The following GALNTL6 variants were observed in gnomAD, a reference collection of about 807,000 sequenced individuals.
GALNTL6 encodes the protein polypeptide N-acetylgalactosaminyltransferase-like 6.
Under a neutral mutation model 73.7 loss-of-function variants are expected in GALNTL6, and 46 were observed. The ratio of observed to expected loss-of-function variants is 0.62; its 90% CI spans 0.49 to 0.80. The LOEUF (loss-of-function observed/expected upper bound fraction) is 0.80. Ranked by LOEUF, GALNTL6 falls within the 30% of genes least tolerant of loss-of-function variation. The pLI is 0.00. For missense variants in GALNTL6, 604 were observed against 755.0 expected, an observed-to-expected ratio of 0.80 and a Z score of 2.34; for synonymous variants, 259 against 263.7, an observed-to-expected ratio of 0.98 and a Z score of 0.17.
intron 2 of GALNTL6, among the ~76,000 whole-genome samples, chr4:172,172,130 G>A (rs550798525): frequency 4.0e-4 from 61 of 152,298 alleles, no homozygotes; most frequent in African/African-American, 1.4e-3. Context: ...TTAAGGTAGG[G>A]TGAGGTCATG....
At chr4:172,408,537 A>G (rs936654890) in intron 5 of GALNTL6, among the ~76,000 whole-genome samples, 7 of 151,978 alleles carry the variant, frequency 4.6e-5, no homozygotes, top group Admixed American at 1.3e-4. Flanking sequence ...AAAATAAATT[A>G]TATATTTGAA....
intron 2 of GALNTL6, among the ~76,000 whole-genome samples, chr4:171,924,366 CA>C (rs1266315101): frequency 6.6e-6 from 1 of 152,010 alleles, no homozygotes; most frequent in African/African-American, 2.4e-5. Flanking sequence ...GACATTTGTG[CA>C]AAAACGTTAT....
At position 172,852,849 on chromosome 4, in the gene GALNTL6, C is replaced by A. The variant is rs114198047; in HGVS notation, c.924-29941C>A. Among the ~76,000 whole-genome samples the A allele has an allele frequency of 8.0e-3, 1,212 of 152,138 alleles. 13 individuals are homozygous for A. The highest frequency in any genetic ancestry group is 0.027 in the African/African-American group (1,136 of 41,488). On this transcript the variant is annotated intron_variant, in intron 7 of 12. Coordinates refer to ENST00000506823, the MANE Select transcript of GALNTL6 (RefSeq NM_001034845.3). ...CAAAAATGATATAAGTCCAGTTGCACCTATCCCATGGGTGTGTTATGATAA... is the reference window on the plus strand; with the variant it reads ...CAAAAATGATATAAGTCCAGTTGCAACTATCCCATGGGTGTGTTATGATAA...
intron 5 of GALNTL6, among the ~76,000 whole-genome samples, chr4:172,783,442 A>G (rs1239785859): frequency 4.1e-5 from 6 of 147,648 alleles, no homozygotes; most frequent in Non-Finnish European, 7.5e-5. Context: ...TTATAACACT[A>G]TTTATAATAT....
At chr4:172,689,633 T>G (rs1359006799) in intron 5 of GALNTL6, among the ~76,000 whole-genome samples, 1 of 152,194 alleles carries the variant, frequency 6.6e-6, no homozygotes, top group Admixed American at 6.5e-5. Flanking sequence ...TTCTAAGTTC[T>G]TAATGCTTTT....
At chr4:172,946,624 G>T (rs148308278) in intron 9 of GALNTL6, among the ~76,000 whole-genome samples, 177 of 152,230 alleles carry the variant, frequency 1.2e-3, no homozygotes, top group Middle Eastern at 0.01. Flanking sequence ...ATAGCACAAA[G>T]AAAACAAGAC....
At chr4:172,103,255 C>T (rs1425308092) in intron 2 of GALNTL6, among the ~76,000 whole-genome samples, 2 of 152,070 alleles carry the variant, frequency 1.3e-5, no homozygotes, top group South Asian at 2.1e-4. Context: ...GGTTTTTAAC[C>T]GGAAGCCAGA....
At chr4:172,322,828 C>A (rs1221029702) in intron 4 of GALNTL6, among the ~76,000 whole-genome samples, 1 of 151,548 alleles carries the variant, frequency 6.6e-6, no homozygotes, top group African/African-American at 2.4e-5. Context: ...AGTGCCAAAT[C>A]ATATCAATGG....
chr4:172,893,332 G>C, intron 8 of GALNTL6, among the ~76,000 whole-genome samples: 1 of 143,508 alleles, frequency 7.0e-6, no homozygotes, highest in East Asian at 2.0e-4. Flanking sequence ...TCTTCTAAGT[G>C]TTCTGAGAGT....
intron 2 of GALNTL6, among the ~76,000 whole-genome samples, chr4:172,221,752 C>G (rs924077623): frequency 1.8e-4 from 28 of 151,810 alleles, no homozygotes; most frequent in African/African-American, 6.5e-4. Flanking sequence ...GTGATGGAAA[C>G]AAGTAAAAAT....
chr4:171,907,779 A>G (rs1737340813), intron 2 of GALNTL6, among the ~76,000 whole-genome samples: 1 of 151,346 alleles, frequency 6.6e-6, no homozygotes. Context: ...ACAGCATGGT[A>G]CTGTTACCAA....
chr4:172,339,172 A>G (rs1464753931), intron 4 of GALNTL6, among the ~76,000 whole-genome samples: 2 of 151,896 alleles, frequency 1.3e-5, no homozygotes, highest in South Asian at 2.1e-4. Context: ...GTCTGGAGAT[A>G]TGCCTGGGCA....
chr4:172,938,375 A>T (rs1748735429), intron 9 of GALNTL6, among the ~76,000 whole-genome samples: 1 of 152,166 alleles, frequency 6.6e-6, no homozygotes, highest in Non-Finnish European at 1.5e-5. Flanking sequence ...TTCATTGTTG[A>T]CCATGGTGTC....
At chr4:172,335,185 A>G (rs1343197753) in intron 4 of GALNTL6, among the ~76,000 whole-genome samples, 1 of 151,990 alleles carries the variant, frequency 6.6e-6, no homozygotes, top group African/African-American at 2.4e-5. Flanking sequence ...TGACCTTGTG[A>G]TCTACCCACC....
intron 2 of GALNTL6, among the ~76,000 whole-genome samples, chr4:172,080,392 G>C (rs1032306735): frequency 6.6e-6 from 1 of 151,868 alleles, no homozygotes; most frequent in South Asian, 2.1e-4. Context: ...TATATTTCCC[G>C]GGTCCACAAC....
intron 5 of GALNTL6, among the ~76,000 whole-genome samples, chr4:172,406,032 T>C (rs1438167143): frequency 1.3e-5 from 2 of 152,040 alleles, no homozygotes; most frequent in African/African-American, 4.8e-5. Flanking sequence ...TCTAGTCTTA[T>C]TGATCTCTAA....
chr4:172,659,460 C>T (rs752854297), intron 5 of GALNTL6, among the ~76,000 whole-genome samples: 1 of 152,284 alleles, frequency 6.6e-6, no homozygotes, highest in African/African-American at 2.4e-5. Flanking sequence ...CTACTGAACA[C>T]TAGATCTTAT....
At chr4:172,521,924 A>C (rs1734785989) in intron 5 of GALNTL6, among the ~76,000 whole-genome samples, 2 of 152,196 alleles carry the variant, frequency 1.3e-5, no homozygotes, top group Admixed American at 6.6e-5. Context: ...TAGAAGGATG[A>C]TTATATTGTG....
At position 172,576,990 on chromosome 4, in the gene GALNTL6, C is replaced by G. The variant is rs1297957207; in HGVS notation, c.553+228301C>G. On this transcript the variant is annotated intron_variant, in intron 5 of 12. Coordinates refer to ENST00000506823, the MANE Select transcript of GALNTL6 (RefSeq NM_001034845.3). Reference sequence around the variant, plus strand: ...GGGAATATTCTGTGTCACAATCTGTCAGACACTGGAGTTCATCCTGCCAAA... The same window carrying G: ...GGGAATATTCTGTGTCACAATCTGTGAGACACTGGAGTTCATCCTGCCAAA... 3.3e-5 allele frequency among the ~76,000 whole-genome samples: 5 copies of G among 152,126 alleles called. No individual in the cohort carries two copies. The South Asian group carries it at 6.2e-4, about 19-fold the overall frequency.
Sources: allele counts gnomAD v4.1 joint callset (sites outside exome capture counted in the v4.1 genomes callset), GRCh38; gene constraint gnomAD v4.1.1; transcripts MANE v1.5; gene names NCBI Gene and HGNC (gene_info 2026-07-23, HGNC 2026-07-21).